DYM: variants seen among roughly 807,000 people sequenced by gnomAD.
DYM encodes the protein dymeclin, also known as dyggve-Melchior-Clausen syndrome protein.
A neutral mutation model predicts 93.1 loss-of-function variants in DYM; 78 were observed. The ratio of observed to expected loss-of-function variants is 0.84; its 90% CI spans 0.70 to 1.01. DYM has a LOEUF of 1.01. DYM is among the 50% of genes least tolerant of loss of function. The pLI is 0.00. For synonymous variants in DYM, 321 were observed against 319.7 expected, an observed-to-expected ratio of 1.00 and a Z score of -0.04; for missense variants, 789 against 845.0, an observed-to-expected ratio of 0.93 and a Z score of 0.82.
chr18:49,236,814 A>G (rs2093881537), intron 13 of DYM, among the ~76,000 whole-genome samples: 1 of 152,328 alleles, frequency 6.6e-6, no homozygotes, highest in East Asian at 1.9e-4. Flanking sequence ...CATGCACGCG[A>G]GAGTCAGATT....
intron 13 of DYM, among the ~76,000 whole-genome samples, chr18:49,255,438 G>A (rs888632675): frequency 2.6e-5 from 4 of 152,080 alleles, no homozygotes; most frequent in African/African-American, 9.7e-5. Flanking sequence ...CACTTTGGGA[G>A]GCAAGGTGGG....
intron 14 of DYM, among the ~76,000 whole-genome samples, chr18:49,185,462 G>A (rs778612723): frequency 7.2e-5 from 11 of 152,194 alleles, no homozygotes; most frequent in Non-Finnish European, 1.6e-4. Flanking sequence ...AAGTTGTAAT[G>A]TGAGCTTCAT....
At chr18:49,112,133 T>TCCTCTCCGCACC (rs1568440802) in intron 16 of DYM, among the ~76,000 whole-genome samples, 5 of 101,734 alleles carry the variant, frequency 4.9e-5, no homozygotes, top group South Asian at 3.6e-4. Flanking sequence ...CGCACCCCCC[T>TCCTCTCCGCACC]CCCCTCCGCA....
chr18:49,145,421 C>T (rs2085014139), intron 15 of DYM, among the ~76,000 whole-genome samples: 1 of 151,996 alleles, frequency 6.6e-6, no homozygotes, highest in Admixed American at 6.6e-5. Context: ...CTCCTTTAAA[C>T]TTTTGTTTCA....
chr18:49,388,717 G>A (rs866707121), intron 3 of DYM, among the ~76,000 whole-genome samples: 18 of 151,870 alleles, frequency 1.2e-4, no homozygotes, highest in African/African-American at 3.1e-4. Context: ...AAAAGCAGCC[G>A]AAGTTAAAAA....
intron 6 of DYM, among the ~76,000 whole-genome samples, chr18:49,349,163 G>A (rs997645054): frequency 6.6e-6 from 1 of 152,086 alleles, no homozygotes; most frequent in Non-Finnish European, 1.5e-5. Context: ...AGCCAAGATC[G>A]TGCCAGTGCA....
intron 5 of DYM, among the ~76,000 whole-genome samples, chr18:49,375,264 T>A (rs12962555): frequency 0.42 from 62,041 of 148,852 alleles, 13,399 homozygotes; most frequent in Middle Eastern, 0.51. Context: ...AAGAAAAAAA[T>A]ATATATATAT....
At position 49,348,410 on chromosome 18, in the gene DYM, C is replaced by T. The variant is rs142606851; in HGVS notation, c.495-14557G>A. 6.0e-3 allele frequency among the ~76,000 whole-genome samples: 910 copies of T among 152,202 alleles called. 5 individuals are homozygous for T. Among genetic ancestry groups the T allele is most frequent in the Middle Eastern group, 0.017 (5 of 294 alleles). ...GTTTTAAAAATTAACAAATCAAAGA[C>T]ATGGTAATACTCCTCATTTATAAAA... is the stretch of plus-strand genomic sequence containing the variant. On this transcript the variant is annotated intron_variant, in intron 6 of 17. Coordinates refer to ENST00000675505, the MANE Select transcript of DYM (RefSeq NM_001353214.3).
rs114087808 is a variant in DYM, at chr18:49,376,128, C to T, written c.421+2439G>A. ...CACGTTGTGATCATGTGAGTCACTACTCCTTAATAAACTCCCCTTCATATA... is the reference window on the plus strand; with the variant it reads ...CACGTTGTGATCATGTGAGTCACTATTCCTTAATAAACTCCCCTTCATATA... On this transcript the variant is annotated intron_variant, in intron 5 of 17. Coordinates refer to ENST00000675505, the MANE Select transcript of DYM (RefSeq NM_001353214.3). Among the ~76,000 whole-genome samples the T allele has an allele frequency of 3.4e-3, 524 of 152,226 alleles. 4 individuals are homozygous for T. Among genetic ancestry groups the T allele is most frequent in the African/African-American group, 0.012 (486 of 41,536 alleles).
Position 49,257,070 on chromosome 18 carries a change from A to G in DYM, c.1400T>C (p.Leu467Ser). The change falls in exon 13 of 18, where the codon TTA becomes TCA. Residue 467 changes from leucine (L) to serine (S), a missense_variant. Transcript: ENST00000675505. ...KYLHTNCLAA[L>S]ANMSAQFRSL... Reference sequence around the variant, plus strand: ...ACGAAACTGTGCCGACATATTTGCTAAAGCTGCCAAACAATTTGTGTGAAG... The same window carrying G: ...ACGAAACTGTGCCGACATATTTGCTGAAGCTGCCAAACAATTTGTGTGAAG... 1 of 1,614,010 alleles carries G rather than the reference A, an allele frequency of 6.2e-7. No homozygotes were observed.
intron 1 of DYM, among the ~76,000 whole-genome samples, chr18:49,432,928 T>A (rs139027326): frequency 6.6e-6 from 1 of 152,310 alleles, no homozygotes; most frequent in Non-Finnish European, 1.5e-5. Context: ...TAGAAATCTA[T>A]AGCTTTTCAA....
intron 10 of DYM, among the ~76,000 whole-genome samples, chr18:49,279,217 TAGAA>T (rs1212513041): frequency 1.3e-5 from 2 of 152,172 alleles, no homozygotes; most frequent in Non-Finnish European, 2.9e-5. Context: ...AGACCATCAA[TAGAA>T]AGAATCCAAG....
chr18:49,107,025 C>T (rs761861105), intron 16 of DYM, among the ~76,000 whole-genome samples: 17 of 152,194 alleles, frequency 1.1e-4, no homozygotes, highest in Non-Finnish European at 1.9e-4. Flanking sequence ...CCATTCTCCC[C>T]GTCACTTTCA....
chr18:49,151,786 C>G (rs1465379985), intron 15 of DYM, among the ~76,000 whole-genome samples: 2 of 152,094 alleles, frequency 1.3e-5, no homozygotes, highest in African/African-American at 4.8e-5. Flanking sequence ...AAATAGGAGA[C>G]TTCTTTTCTT....
chr18:49,246,908 G>A (rs2094183922), intron 13 of DYM, among the ~76,000 whole-genome samples: 1 of 152,230 alleles, frequency 6.6e-6, no homozygotes, highest in African/African-American at 2.4e-5. Flanking sequence ...AATGGCAACA[G>A]AAATTCATAA....
intron 16 of DYM, among the ~76,000 whole-genome samples, chr18:49,110,144 G>T (rs2081259805): frequency 6.6e-6 from 1 of 152,168 alleles, no homozygotes; most frequent in African/African-American, 2.4e-5. Context: ...CAATTGTTGA[G>T]TAGAATAATT....
At chr18:49,092,841 A>C (rs1385571835) in intron 17 of DYM, among the ~76,000 whole-genome samples, 3 of 152,178 alleles carry the variant, frequency 2.0e-5, no homozygotes, top group Non-Finnish European at 2.9e-5. Context: ...TAGCGGTAAG[A>C]GACCCTTAGT....
Position 49,426,505 on chromosome 18 carries a change from C to A in DYM, c.140+3750G>T, listed in dbSNP as rs577989134. On this transcript the variant is annotated intron_variant, in intron 2 of 17. Coordinates refer to ENST00000675505, the MANE Select transcript of DYM (RefSeq NM_001353214.3). Reference sequence around the variant, plus strand: ...GCACACGTATACATATGTAACAAACCTGCATGTTGTGCACGTGTACCCTAG... The same window carrying A: ...GCACACGTATACATATGTAACAAACATGCATGTTGTGCACGTGTACCCTAG... Among the ~76,000 whole-genome samples, 379 of 151,652 alleles carry A rather than the reference C, an allele frequency of 2.5e-3. 2 individuals carry two copies. Among genetic ancestry groups the A allele is most frequent in the Non-Finnish European group, 4.5e-3 (305 of 67,930 alleles).
At chr18:49,102,422 C>CT (rs893007065) in intron 16 of DYM, among the ~76,000 whole-genome samples, 22 of 151,880 alleles carry the variant, frequency 1.4e-4, no homozygotes, top group Non-Finnish European at 2.7e-4. Context: ...TATCTTATTT[C>CT]TTTTTTTTAA....
Sources: gnomAD v4.1 joint callset for allele counts (sites outside exome capture counted in the v4.1 genomes callset) on GRCh38, gnomAD v4.1.1 for gene constraint, MANE v1.5 for transcripts, NCBI Gene and HGNC (gene_info 2026-07-23, HGNC 2026-07-21) for gene names.